Variants in LINC00305 observed in about 807,000 individuals in gnomAD.
LINC00305 encodes the protein long intergenic non-protein coding RNA 305.
At chr18:64,080,906 A>G (rs2051182474) in intron 3 of LINC00305, among the ~76,000 whole-genome samples, 1 of 152,194 alleles carries the variant, frequency 6.6e-6, no homozygotes, top group Non-Finnish European at 1.5e-5. Flanking sequence ...TGAATTATTA[A>G]TAAAAGAAAA....
chr18:64,098,464 A>G, intron 2 of LINC00305: 1 of 409,720 alleles, frequency 2.4e-6, no homozygotes, highest in Admixed American at 3.4e-5. Context: ...GAGTTCATGT[A>G]CTCATAAGTA....
intron 3 of LINC00305, among the ~76,000 whole-genome samples, chr18:64,088,304 T>C (rs1305386403): frequency 6.6e-6 from 1 of 152,224 alleles, no homozygotes; most frequent in East Asian, 1.9e-4. Flanking sequence ...AAATAATTCT[T>C]CTGTTTCCAT....
intron 1 of LINC00305, among the ~76,000 whole-genome samples, chr18:64,135,595 T>G (rs1001276567): frequency 6.6e-6 from 1 of 152,112 alleles, no homozygotes; most frequent in Non-Finnish European, 1.5e-5. Flanking sequence ...TTATTTTCTT[T>G]TTTATTTTGA....
chr18:64,096,218 T>C (rs1568105645), intron 3 of LINC00305, among the ~76,000 whole-genome samples: 1 of 152,022 alleles, frequency 6.6e-6, no homozygotes, highest in Non-Finnish European at 1.5e-5. Flanking sequence ...AATGAAGATT[T>C]AGTCTTTACT....
chr18:64,094,268 GA>G (rs2051236340), intron 3 of LINC00305, among the ~76,000 whole-genome samples: 1 of 152,218 alleles, frequency 6.6e-6, no homozygotes, highest in Non-Finnish European at 1.5e-5. Flanking sequence ...ACAATTGAAG[GA>G]AAACACTGAA....
At chr18:64,116,297 C>G (rs373481223) in intron 1 of LINC00305, among the ~76,000 whole-genome samples, 29 of 152,098 alleles carry the variant, frequency 1.9e-4, no homozygotes, top group East Asian at 1.3e-3. Flanking sequence ...GAAATATTGA[C>G]CAGAGAATGT....
chr18:64,097,712 T>G (rs2051250229), intron 3 of LINC00305: 2 of 348,104 alleles, frequency 5.7e-6, no homozygotes, highest in South Asian at 4.7e-5. Context: ...TTTTAAGCAC[T>G]CTATTATCAG....
intron 3 of LINC00305, among the ~76,000 whole-genome samples, chr18:64,093,192 G>A (rs930557282): frequency 1.3e-5 from 2 of 152,096 alleles, no homozygotes; most frequent in Non-Finnish European, 2.9e-5. Context: ...TTTTAAAAAT[G>A]TATAAGTATC....
At chr18:64,108,763 T>C (rs2051302527) in intron 1 of LINC00305, among the ~76,000 whole-genome samples, 1 of 152,182 alleles carries the variant, frequency 6.6e-6, no homozygotes, top group Non-Finnish European at 1.5e-5. Context: ...CAAACAAGTG[T>C]ACAGTTGGCT....
At chr18:64,132,473 A>G (rs1404704504) in intron 1 of LINC00305, among the ~76,000 whole-genome samples, 1 of 152,204 alleles carries the variant, frequency 6.6e-6, no homozygotes, top group Non-Finnish European at 1.5e-5. Context: ...AATTCCGTAC[A>G]TACGTCACCT....
At chr18:64,093,775 A>G (rs2051234267) in intron 3 of LINC00305, among the ~76,000 whole-genome samples, 1 of 152,228 alleles carries the variant, frequency 6.6e-6, no homozygotes, top group Non-Finnish European at 1.5e-5. Flanking sequence ...GCTTAAAGAT[A>G]GAGCATATGT....
intron 1 of LINC00305, among the ~76,000 whole-genome samples, chr18:64,123,623 T>A (rs9952125): frequency 0.016 from 2,501 of 152,204 alleles, 62 homozygotes; most frequent in African/African-American, 0.058. Context: ...TTATTTATTT[T>A]TTTTTAAGAA....
chr18:64,082,746 T>C (rs1273017906), intron 3 of LINC00305, among the ~76,000 whole-genome samples: 1 of 152,200 alleles, frequency 6.6e-6, no homozygotes, highest in East Asian at 1.9e-4. Flanking sequence ...TTTTAGTTTC[T>C]CAACACAGTT....
At chr18:64,090,644 T>C (rs2051221442) in intron 3 of LINC00305, among the ~76,000 whole-genome samples, 1 of 152,256 alleles carries the variant, frequency 6.6e-6, no homozygotes. Flanking sequence ...GAAAGTGATG[T>C]GATAATTGTA....
At chr18:64,124,567 G>A (rs906234641) in intron 1 of LINC00305, among the ~76,000 whole-genome samples, 2 of 152,084 alleles carry the variant, frequency 1.3e-5, no homozygotes, top group Admixed American at 1.3e-4. Context: ...GTCTTAATAT[G>A]TCCCAATGGC....
At chr18:64,097,644 TA>T (rs1321195448) in intron 3 of LINC00305, among the ~76,000 whole-genome samples, 1 of 151,938 alleles carries the variant, frequency 6.6e-6, no homozygotes, top group African/African-American at 2.4e-5. Flanking sequence ...AAAGAGCCTA[TA>T]AAGAACTACT....
chr18:64,087,279 A>T (rs770476239), intron 3 of LINC00305, among the ~76,000 whole-genome samples: 1 of 152,176 alleles, frequency 6.6e-6, no homozygotes, highest in Non-Finnish European at 1.5e-5. Context: ...GGTTTGATAG[A>T]TTATTATGCA....
At chr18:64,092,781 T>C (rs912669734) in intron 3 of LINC00305, among the ~76,000 whole-genome samples, 3 of 152,178 alleles carry the variant, frequency 2.0e-5, no homozygotes, top group Non-Finnish European at 4.4e-5. Flanking sequence ...TTGTTCTCCC[T>C]ATTTAAAGAG....
chr18:64,139,630 A>G (rs2051451785), intron 1 of LINC00305: 1 of 152,182 alleles, frequency 6.6e-6, no homozygotes, highest in Non-Finnish European at 1.5e-5. Context: ...TGTCAAATAA[A>G]TATTAAATGG....
Sources: allele counts gnomAD v4.1 joint callset (sites outside exome capture counted in the v4.1 genomes callset), GRCh38; gene constraint gnomAD v4.1.1; transcripts MANE v1.5; gene names NCBI Gene and HGNC (gene_info 2026-07-23, HGNC 2026-07-21).